The following SCN2A variants were observed in gnomAD, a reference collection of about 807,000 sequenced individuals.
SCN2A encodes sodium voltage-gated channel alpha subunit 2, also known as sodium channel protein type 2 subunit alpha.
SCN2A carries 20 observed loss-of-function variants against 188.7 expected under a neutral mutation model. The ratio of observed to expected loss-of-function variants is 0.11; its 90% CI spans 0.07 to 0.15. The LOEUF (loss-of-function observed/expected upper bound fraction) is 0.15. Among genes scored for constraint, SCN2A ranks in the 10% least tolerant of loss-of-function variants. The pLI is 1.00. For missense variants in SCN2A, 1,278 were observed against 2,445.0 expected, an observed-to-expected ratio of 0.52 and a Z score of 10.07; for synonymous variants, 804 against 833.1, an observed-to-expected ratio of 0.97 and a Z score of 0.60.
In SCN2A at chr2:165,389,491, C is replaced by T; in HGVS notation, c.5685C>T (p.Pro1895=). ...ASNPSKVSYE[P]ITTTLKRKQE... Reference sequence around the variant, plus strand: ...ACCCCTCCAAAGTCTCTTATGAGCCCATTACGACCACGTTGAAACGCAAAC... The same window carrying T: ...ACCCCTCCAAAGTCTCTTATGAGCCTATTACGACCACGTTGAAACGCAAAC... The change falls in exon 27 of 27, where the codon CCC becomes CCT. Residue 1895 remains proline (P), a synonymous_variant. Transcript: ENST00000375437. This position sits in a 1 kb window ranked among gnomAD's most constrained non-coding sequence, Gnocchi z 4.2. 2 of 1,613,910 alleles carry T rather than the reference C, an allele frequency of 1.2e-6. No individual in the cohort carries two copies. The highest frequency in any genetic ancestry group is 8.5e-7 in the Non-Finnish European group (1 of 1,179,964).
intron 1 of SCN2A, among the ~76,000 whole-genome samples, chr2:165,291,035 C>CTTTCTTTTTTTTTTTTTT (rs1559339507): frequency 1.3e-5 from 1 of 79,970 alleles, no homozygotes; most frequent in Non-Finnish European, 2.3e-5. Flanking sequence ...TCTTTTCTTT[C>CTTTCTTTTTTTTTTTTTT]TTTTTTTTTT....
At chr2:165,335,391 T>G (rs1698932243) in intron 14 of SCN2A, among the ~76,000 whole-genome samples, 1 of 151,810 alleles carries the variant, frequency 6.6e-6, no homozygotes, top group African/African-American at 2.4e-5. Flanking sequence ...AGTTTGGTAC[T>G]GGCATAAGGA....
chr2:165,246,477 C>T (rs955384104), intron 1 of SCN2A, among the ~76,000 whole-genome samples: 1 of 152,118 alleles, frequency 6.6e-6, no homozygotes, highest in Non-Finnish European at 1.5e-5. Context: ...ACCTTTCTAG[C>T]GCATTTCATC....
intron 1 of SCN2A, among the ~76,000 whole-genome samples, chr2:165,252,635 T>A (rs188371290): frequency 2.6e-4 from 40 of 152,230 alleles, no homozygotes; most frequent in African/African-American, 9.1e-4. Flanking sequence ...GTCAGATTTT[T>A]ATTTTTATTC....
intron 1 of SCN2A, among the ~76,000 whole-genome samples, chr2:165,249,320 C>T (rs1294813879): frequency 1.3e-5 from 2 of 152,088 alleles, no homozygotes; most frequent in Non-Finnish European, 2.9e-5. Flanking sequence ...TTCTTACAAC[C>T]GTGTGGAGCA....
chr2:165,336,499 T>C (rs1014484261), intron 14 of SCN2A, among the ~76,000 whole-genome samples: 3 of 151,954 alleles, frequency 2.0e-5, no homozygotes, highest in African/African-American at 7.2e-5. Flanking sequence ...CATATCATAT[T>C]GCTACATTTA....
At chr2:165,333,291 T>C (rs1438701243) in intron 14 of SCN2A, among the ~76,000 whole-genome samples, 2 of 151,886 alleles carry the variant, frequency 1.3e-5, no homozygotes, top group East Asian at 3.9e-4. Context: ...TGTTAAGGAA[T>C]GTAGGATCTG....
intron 19 of SCN2A, among the ~76,000 whole-genome samples, chr2:165,369,024 C>T (rs1019420321): frequency 7.9e-5 from 12 of 152,060 alleles, no homozygotes; most frequent in African/African-American, 2.9e-4. Context: ...CTCTTGGGTT[C>T]ATGCCATTCT....
At chr2:165,262,003 A>G (rs1237777022) in intron 1 of SCN2A, among the ~76,000 whole-genome samples, 2 of 152,190 alleles carry the variant, frequency 1.3e-5, no homozygotes, top group Admixed American at 6.5e-5. Flanking sequence ...TTTTATCCAG[A>G]TATCTATTCT....
chr2:165,360,680 G>A lies in SCN2A; in HGVS notation c.3400-4463G>A, dbSNP rs554742608. 4.6e-5 allele frequency among the ~76,000 whole-genome samples: 7 copies of A among 151,900 alleles called. No homozygotes were observed. The South Asian group carries it at 1.2e-3, about 27-fold the overall frequency. Reference sequence around the variant, plus strand: ...TCCTTATTTTGTTAAATTTTAACTAGGCAAGGGCTATGCTACAAACATCAG... The same window carrying A: ...TCCTTATTTTGTTAAATTTTAACTAAGCAAGGGCTATGCTACAAACATCAG... On this transcript the variant is annotated intron_variant, in intron 17 of 26. Transcript: ENST00000375437.
chr2:165,296,623 A>G (rs2106150312), intron 2 of SCN2A: 1 of 182,910 alleles, frequency 5.5e-6, no homozygotes, highest in South Asian at 1.1e-4. Flanking sequence ...GGTGCCAAAT[A>G]AGATTCTGAG....
intron 1 of SCN2A, among the ~76,000 whole-genome samples, chr2:165,291,352 GTTCCTTCCTTCCTTCCTTCCTTCCTTCC>G (rs756578383): frequency 6.6e-4 from 37 of 56,058 alleles, no homozygotes; most frequent in African/African-American, 2.1e-3. Context: ...TCTGTCGTTC[GTTCCTTCCTTCCTTCCTTCCTTCCTTCC>G]TTCCTTCCTT....
intron 13 of SCN2A, chr2:165,328,647 C>T (rs866234142): frequency 2.1e-5 from 6 of 290,808 alleles, no homozygotes; most frequent in Non-Finnish European, 3.1e-5. Context: ...GACTTGCCAA[C>T]TAATTAAGAT....
At position 165,388,699 on chromosome 2, in the gene SCN2A, C is replaced by G. The variant is rs765877327; in HGVS notation, c.4893C>G (p.Ala1631=). Residue 1631 remains alanine, a synonymous_variant, in exon 27 of 27, where the codon GCC becomes GCG. Coordinates refer to ENST00000375437, the MANE Select transcript of SCN2A (RefSeq NM_001040142.2). ...CCCTGTTCCGAGTGATCCGTCTTGC[C>G]AGGATTGGCCGAATCCTACGTCTGA... ...SPTLFRVIRL[A]RIGRILRLIK... 6.2e-7 allele frequency: 1 copy of G among 1,613,858 alleles called. No homozygotes were observed. The highest frequency in any genetic ancestry group is 8.5e-7 in the Non-Finnish European group (1 of 1,179,952).
intron 23 of SCN2A, among the ~76,000 whole-genome samples, chr2:165,379,242 G>A (rs1411037692): frequency 6.6e-6 from 1 of 151,560 alleles, no homozygotes; most frequent in Non-Finnish European, 1.5e-5. Context: ...ATACTATATA[G>A]TGATGAAAAT....
intron 19 of SCN2A, among the ~76,000 whole-genome samples, chr2:165,369,661 G>A (rs1055091438): frequency 8.6e-5 from 13 of 152,014 alleles, no homozygotes; most frequent in South Asian, 2.1e-4. Context: ...ACACCCACCC[G>A]CCTCCACACA....
intron 11 of SCN2A, among the ~76,000 whole-genome samples, chr2:165,318,931 G>A (rs1385064427): frequency 2.0e-5 from 3 of 152,104 alleles, no homozygotes; most frequent in Non-Finnish European, 4.4e-5. Flanking sequence ...CTACTTGTAT[G>A]GAAAATGATA....
At chr2:165,306,563 T>C (rs1176933380) in intron 3 of SCN2A, among the ~76,000 whole-genome samples, 1 of 150,794 alleles carries the variant, frequency 6.6e-6, no homozygotes, top group Non-Finnish European at 1.5e-5. Context: ...TTCTCTAGAT[T>C]ATAGTGCCCT....
chr2:165,295,752 T>C, intron 1 of SCN2A, 21 bp from the exon 2 acceptor site: 1 of 1,610,848 alleles, frequency 6.2e-7, no homozygotes, highest in Non-Finnish European at 8.5e-7. Flanking sequence ...CATTGCTTTT[T>C]TTCCCTCCCT....
Sources: allele counts gnomAD v4.1 joint callset (sites outside exome capture counted in the v4.1 genomes callset), GRCh38; gene constraint gnomAD v4.1.1; non-coding constraint Gnocchi (gnomAD v3.1); transcripts MANE v1.5; gene names NCBI Gene and HGNC (gene_info 2026-07-23, HGNC 2026-07-21).